The following GALM variants were observed in gnomAD, a reference collection of about 807,000 sequenced individuals.
GALM encodes aldose 1-epimerase.
Under a neutral mutation model 37.4 loss-of-function variants are expected in GALM, and 43 were observed. The ratio of observed to expected loss-of-function variants is 1.15; its 90% CI spans 0.90 to 1.48. The LOEUF (loss-of-function observed/expected upper bound fraction) is 1.48. Ranked by LOEUF, GALM falls within the 40% of genes most tolerant of loss-of-function variation. The pLI is 0.00. For synonymous variants in GALM, 199 were observed against 170.6 expected, an observed-to-expected ratio of 1.17 and a Z score of -1.30; for missense variants, 456 against 419.1, an observed-to-expected ratio of 1.09 and a Z score of -0.77.
intron 3 of GALM, among the ~76,000 whole-genome samples, chr2:38,683,674 C>A (rs1189770962): frequency 6.6e-6 from 1 of 152,002 alleles, no homozygotes; most frequent in Non-Finnish European, 1.5e-5. Flanking sequence ...TCAAGCAATT[C>A]TCCTGCCTCA....
chr2:38,708,731 GAAA>G (rs35151264), intron 4 of GALM, among the ~76,000 whole-genome samples: 1 of 91,512 alleles, frequency 1.1e-5, no homozygotes, highest in Non-Finnish European at 2.6e-5. Flanking sequence ...TCTGTCTCAA[GAAA>G]AAAAAAAAAA....
At chr2:38,667,327 A>C (rs764305966) in intron 1 of GALM, among the ~76,000 whole-genome samples, 1 of 152,090 alleles carries the variant, frequency 6.6e-6, no homozygotes, top group Non-Finnish European at 1.5e-5. Flanking sequence ...TTCTTCCGAT[A>C]CGTAAGATAT....
intron 3 of GALM, among the ~76,000 whole-genome samples, chr2:38,687,190 G>A (rs1665559577): frequency 1.3e-5 from 2 of 152,228 alleles, no homozygotes; most frequent in African/African-American, 4.8e-5. Context: ...ACCACCCTGA[G>A]GCATGCGAGG....
In GALM at chr2:38,734,682, G is replaced by C. The variant is rs1295502830; in HGVS notation, c.*1117G>C. ...AAGTATCAGTGATGGGTTTTGGTTG[G>C]TGATTTTGAAAAAAAAAAAAAAAAG... On this transcript the variant is annotated 3_prime_UTR_variant, in exon 7 of 7. Coordinates refer to ENST00000272252, the MANE Select transcript of GALM (RefSeq NM_138801.3). 2.4e-5 allele frequency: 2 copies of C among 82,870 alleles called. No homozygotes were observed. Among genetic ancestry groups the C allele is most frequent in the Non-Finnish European group, 4.4e-5 (2 of 45,632 alleles). The allele number at this position is 82,870 out of a possible 1,614,324, so 5.1% of individuals were successfully genotyped here. A position where few individuals can be genotyped will look rare whatever the true frequency, so the allele number is the denominator to read the frequency against.
At chr2:38,720,382 T>C (rs1666352197) in intron 4 of GALM, among the ~76,000 whole-genome samples, 1 of 145,718 alleles carries the variant, frequency 6.9e-6, no homozygotes, top group South Asian at 2.2e-4. Flanking sequence ...TTAATGTTCT[T>C]AAGGTATAAT....
At chr2:38,682,526 A>G (rs1233574774) in intron 3 of GALM, among the ~76,000 whole-genome samples, 2 of 152,132 alleles carry the variant, frequency 1.3e-5, no homozygotes, top group African/African-American at 2.4e-5. Flanking sequence ...AAAATTTCCA[A>G]AGTTCTCCCT....
intron 4 of GALM, among the ~76,000 whole-genome samples, chr2:38,703,100 T>G (rs1368937960): frequency 2.5e-4 from 8 of 32,026 alleles, no homozygotes; most frequent in Admixed American, 9.1e-4. Flanking sequence ...ATATTTTTTT[T>G]TTTTTTTTTT....
At chr2:38,716,870 A>C (rs1243660087) in intron 4 of GALM, among the ~76,000 whole-genome samples, 1 of 152,182 alleles carries the variant, frequency 6.6e-6, no homozygotes, top group African/African-American at 2.4e-5. Context: ...ACAAACAAAC[A>C]AACAAAAAAC....
chr2:38,666,928 C>G (rs1306168115), intron 1 of GALM, among the ~76,000 whole-genome samples: 1 of 152,088 alleles, frequency 6.6e-6, no homozygotes, highest in Non-Finnish European at 1.5e-5. Context: ...ATCAGGTCTC[C>G]TACCAACTAG....
At chr2:38,688,528 T>C (rs949996995) in intron 3 of GALM, among the ~76,000 whole-genome samples, 6 of 149,682 alleles carry the variant, frequency 4.0e-5, no homozygotes, top group African/African-American at 1.5e-4. Context: ...AAAAAAAAAG[T>C]CAAATGTCAA....
At chr2:38,676,702 A>G (rs1472650233) in intron 2 of GALM, among the ~76,000 whole-genome samples, 2 of 152,156 alleles carry the variant, frequency 1.3e-5, no homozygotes, top group Non-Finnish European at 2.9e-5. Context: ...GGTGGAAGTT[A>G]CAGTGAGCTG....
intron 4 of GALM, among the ~76,000 whole-genome samples, chr2:38,700,705 G>A (rs981486738): frequency 3.3e-5 from 5 of 152,102 alleles, no homozygotes; most frequent in Admixed American, 1.3e-4. Flanking sequence ...AAGGGGGGAA[G>A]TTTAATAAGT....
At chr2:38,698,513 T>TAAAA (rs1241787730) in intron 4 of GALM, 1 of 522,804 alleles carries the variant, frequency 1.9e-6, no homozygotes, top group Non-Finnish European at 2.8e-6. Context: ...CTTAGCTACT[T>TAAAA]AAAAAAAAAA....
intron 4 of GALM, among the ~76,000 whole-genome samples, chr2:38,725,412 T>C (rs1666464391): frequency 6.6e-6 from 1 of 152,052 alleles, no homozygotes. Flanking sequence ...GGTACATGCC[T>C]GGGGTCCCAG....
intron 4 of GALM, among the ~76,000 whole-genome samples, chr2:38,703,057 TATATA>T (rs1665952607): frequency 5.1e-3 from 15 of 2,960 alleles, no homozygotes; most frequent in Admixed American, 0.017. Flanking sequence ...TGGGATTTTA[TATATA>T]TATATATATA....
intron 1 of GALM, among the ~76,000 whole-genome samples, chr2:38,672,801 G>C (rs984282582): frequency 6.6e-6 from 1 of 151,874 alleles, no homozygotes; most frequent in Non-Finnish European, 1.5e-5. Flanking sequence ...GAGGTCAGGA[G>C]TTTGAGACCA....
rs191886488 is a variant in GALM, at chr2:38,711,571, T to A, written c.635-17985T>A. ...CACATTTCTTCCTAGTCAGTTATTATCATAATAATTATACTTAATACTTAT... is the reference window on the plus strand; with the variant it reads ...CACATTTCTTCCTAGTCAGTTATTAACATAATAATTATACTTAATACTTAT... On this transcript the variant is annotated intron_variant, in intron 4 of 6. Transcript: ENST00000272252. 2.8e-4 allele frequency among the ~76,000 whole-genome samples: 43 copies of A among 151,988 alleles called. 1 individual carries two copies. The South Asian group carries it at 6.9e-3, about 24-fold the overall frequency.
intron 3 of GALM, among the ~76,000 whole-genome samples, 171 bp from the exon 4 acceptor site, chr2:38,689,642 T>G (rs752769326): frequency 5.3e-5 from 8 of 152,256 alleles, no homozygotes; most frequent in Non-Finnish European, 8.8e-5. Context: ...GTTGCTATTT[T>G]GAGGCCTTAT....
intron 4 of GALM, among the ~76,000 whole-genome samples, chr2:38,710,498 G>A (rs954432005): frequency 3.9e-5 from 6 of 152,142 alleles, no homozygotes; most frequent in Admixed American, 3.9e-4. Flanking sequence ...GCAGGCTTAA[G>A]GCATTAGAAA....
Sources: allele counts gnomAD v4.1 joint callset (sites outside exome capture counted in the v4.1 genomes callset), GRCh38; gene constraint gnomAD v4.1.1; transcripts MANE v1.5; gene names NCBI Gene and HGNC (gene_info 2026-07-23, HGNC 2026-07-21).